Variants in USP42 observed in about 807,000 individuals in gnomAD.
The protein encoded by USP42 is ubiquitin specific peptidase 42, also known as ubiquitin carboxyl-terminal hydrolase 42.
Under a neutral mutation model 113.0 loss-of-function variants are expected in USP42, and 23 were observed. The observed-to-expected ratio is 0.20, with a 90% CI of 0.15 to 0.29. The LOEUF (loss-of-function observed/expected upper bound fraction) is 0.29, where lower values mean the gene tolerates loss of function less well. Ranked by LOEUF, USP42 falls within the 10% of genes least tolerant of loss-of-function variation. USP42 has a pLI of 1.00. For synonymous variants in USP42, 933 were observed against 699.0 expected (o/e 1.33, Z -5.28); for missense variants, 2,174 against 1,779.8 (o/e 1.22, Z -3.99).
At position 6,112,934 on chromosome 7, in the gene USP42, C is replaced by T. The variant is rs568241595; in HGVS notation, c.241+1560C>T. ...TTTTTTTTTTTTTGAGACAGAGTCT[C>T]GCTCTGTCGCCCATTCTGGAATGCA... On this transcript the variant is annotated intron_variant, in intron 2 of 17. Coordinates refer to ENST00000306177, the MANE Select transcript of USP42 (RefSeq NM_032172.3). Among the ~76,000 whole-genome samples the T allele has an allele frequency of 2.3e-4, 31 of 135,106 alleles. No individual in the cohort carries two copies. The East Asian group carries it at 2.7e-3, about 12-fold the overall frequency. The allele number at this position is 135,106 out of a possible 152,430, so 88.6% of individuals were successfully genotyped here. A position where few individuals can be genotyped will look rare whatever the true frequency, so the allele number is the denominator to read the frequency against.
At chr7:6,085,836 A>T in the USP42 span, among the ~76,000 whole-genome samples, 2 of 150,184 alleles carry the variant, frequency 1.3e-5, no homozygotes, top group African/African-American at 2.5e-5. Context: ...GCTGGTTTTG[A>T]ACTCCTGACC....
chr7:6,157,051 C>G lies in USP42; in HGVS notation c.3939C>G (p.Gly1313=), dbSNP rs757604634. Residue 1313 remains glycine, a synonymous_variant, in exon 16 of 18, where the codon GGC becomes GGG. Coordinates refer to ENST00000306177, the MANE Select transcript of USP42 (RefSeq NM_032172.3). This position sits in a 1 kb window ranked among gnomAD's most constrained non-coding sequence, Gnocchi z 4.1. ...RDDRCRLFEY[G]QGD Reference sequence around the variant, plus strand: ...ACAGGTGTCGTCTCTTTGAGTATGGCCAGGGTAAGAGGAGATACTTGGAAT... The same window carrying G: ...ACAGGTGTCGTCTCTTTGAGTATGGGCAGGGTAAGAGGAGATACTTGGAAT... 1 of 1,598,006 alleles carries G rather than the reference C, an allele frequency of 6.3e-7. No individual in the cohort carries two copies. Among genetic ancestry groups the G allele is most frequent in the Admixed American group, 1.8e-5 (1 of 55,740 alleles).
In USP42 at chr7:6,159,354, G is replaced by A; in HGVS notation, c.3944-96G>A. 1 of 1,557,020 alleles carries A rather than the reference G, an allele frequency of 6.4e-7. No homozygotes were observed. The highest frequency in any genetic ancestry group is 8.8e-7 in the Non-Finnish European group (1 of 1,135,008). On this transcript the variant is annotated intron_variant, in intron 16 of 17. Coordinates refer to ENST00000306177, the MANE Select transcript of USP42 (RefSeq NM_032172.3). This position sits in a 1 kb window ranked among gnomAD's most constrained non-coding sequence, Gnocchi z 4.1. ...TCAGGCGCTCACAGGGAACCGCAGTGACTCTGACCATAGCCACTTAACGCA... is the reference window on the plus strand; with the variant it reads ...TCAGGCGCTCACAGGGAACCGCAGTAACTCTGACCATAGCCACTTAACGCA...
intron 1 of USP42, among the ~76,000 whole-genome samples, chr7:6,106,229 T>G (rs1779268057): frequency 6.6e-6 from 1 of 152,186 alleles, no homozygotes; most frequent in Admixed American, 6.5e-5. Flanking sequence ...TTAAGTATAA[T>G]TAAGACGAAG....
rs1407087129 is a variant in USP42 at position 6,114,662 on chromosome 7, A to G, written c.242-661A>G. On this transcript the variant is annotated intron_variant, in intron 2 of 17. Coordinates refer to ENST00000306177, the MANE Select transcript of USP42 (RefSeq NM_032172.3). Reference sequence around the variant, plus strand: ...TATATATGTATGTGTGTGTGTATATATATATATATATATATATTTTTTTTT... The same window carrying G: ...TATATATGTATGTGTGTGTGTATATGTATATATATATATATATTTTTTTTT... 1.2e-4 allele frequency among the ~76,000 whole-genome samples: 5 copies of G among 42,728 alleles called. 1 individual carries two copies. The highest frequency in any genetic ancestry group is 3.1e-4 in the Admixed American group (1 of 3,180). The allele number at this position is 42,728 out of a possible 152,430, so 28.0% of individuals were successfully genotyped here. A position where few individuals can be genotyped will look rare whatever the true frequency, so the allele number is the denominator to read the frequency against.
chr7:6,141,201 C>CTTT (rs903124477), intron 7 of USP42, among the ~76,000 whole-genome samples: 8 of 123,996 alleles, frequency 6.5e-5, no homozygotes, highest in Non-Finnish European at 1.2e-4. Context: ...TTTTTCTTTT[C>CTTT]TTTTTTTTTT....
At chr7:6,122,775 T>A (rs893503116) in intron 3 of USP42, among the ~76,000 whole-genome samples, 2 of 151,512 alleles carry the variant, frequency 1.3e-5, no homozygotes, top group Non-Finnish European at 2.9e-5. Flanking sequence ...CAGCCTAATT[T>A]TTTTTTTAAA....
intron 3 of USP42, among the ~76,000 whole-genome samples, chr7:6,120,514 A>T (rs181907834): frequency 3.3e-5 from 5 of 152,118 alleles, no homozygotes; most frequent in African/African-American, 9.6e-5. Flanking sequence ...AAGTGCTGGG[A>T]TTACAGGCAT....
intron 11 of USP42, among the ~76,000 whole-genome samples, chr7:6,146,694 T>C (rs1267089835): frequency 2.0e-5 from 3 of 152,106 alleles, no homozygotes; most frequent in African/African-American, 7.2e-5. Context: ...AACTCTGCCA[T>C]GTGCCTGGAG....
intron 17 of USP42, 135 bp from the exon 18 acceptor site, chr7:6,160,420 G>C (rs1782706428): frequency 1.2e-5 from 1 of 80,246 alleles, no homozygotes. Context: ...ACTCAGGAAG[G>C]CAGAGAAGGC....
Position 6,154,206 on chromosome 7 carries a change from G to A in USP42, c.2652G>A (p.Gln884=). ...GCGGGGACCACGCCCGGGACGCTCAGGACCCATCCCAGAGCTTGGGCGCAC... is the reference window on the plus strand; with the variant it reads ...GCGGGGACCACGCCCGGGACGCTCAAGACCCATCCCAGAGCTTGGGCGCAC... ...HPSGDHARDA[Q]DPSQSLGAPE... is the part of the protein sequence containing the mutation. The change falls in exon 15 of 18, where the codon CAG becomes CAA. Residue 884 remains glutamine, a synonymous_variant. Coordinates refer to ENST00000306177, the MANE Select transcript of USP42 (RefSeq NM_032172.3). The A allele has an allele frequency of 6.2e-7, 1 of 1,606,350 alleles. No individual in the cohort carries two copies. The highest frequency in any genetic ancestry group is 8.5e-7 in the Non-Finnish European group (1 of 1,178,932).
upstream of USP42, chr7:6,104,810 C>G (rs1779164046): frequency 6.6e-6 from 1 of 151,302 alleles, no homozygotes; most frequent in Non-Finnish European, 1.5e-5. Flanking sequence ...AGCTGCGCGC[C>G]GCGCTTCTTG....
In USP42 at chr7:6,150,106, C is replaced by G; in HGVS notation, c.1910C>G (p.Pro637Arg). 6.2e-7 allele frequency: 1 copy of G among 1,611,778 alleles called. No individual in the cohort carries two copies. The highest frequency in any genetic ancestry group is 8.5e-7 in the Non-Finnish European group (1 of 1,178,922). The change falls in exon 13 of 18, where the codon CCC becomes CGC. Residue 637 changes from proline to arginine, a missense_variant. Transcript: ENST00000306177. ...GGTACGATTGTGAGCTCCCACTCTC[C>G]CGGCCAAGATGCCGAAGATGAGGAG... ...GIGTIVSSHS[P>R]GQDAEDEEAT... is the part of the protein sequence containing the mutation.
intron 3 of USP42, among the ~76,000 whole-genome samples, 190 bp from the exon 4 acceptor site, chr7:6,135,651 C>CAAAAAAAAAAAAAAAAAA (rs1173165919): frequency 3.1e-4 from 5 of 16,138 alleles, no homozygotes; most frequent in East Asian, 1.1e-3. Flanking sequence ...GACTCCATCT[C>CAAAAAAAAAAAAAAAAAA]AAAAAAAAAA....
At chr7:6,103,752 A>AC (rs1790217024), upstream of USP42, among the ~76,000 whole-genome samples, 1 of 149,290 alleles carries the variant, frequency 6.7e-6, no homozygotes, top group Non-Finnish European at 1.5e-5. Context: ...AAAAAAAAAA[A>AC]AAACAAAACT....
At chr7:6,151,141 C>G (rs1444326200) in intron 14 of USP42, among the ~76,000 whole-genome samples, 3 of 152,184 alleles carry the variant, frequency 2.0e-5, no homozygotes, top group Non-Finnish European at 4.4e-5. Flanking sequence ...CACACCTGCA[C>G]AGGGCACTTA....
chr7:6,093,155 C>T, the USP42 span: 2 of 140,702 alleles, frequency 1.4e-5, no homozygotes, highest in South Asian at 4.9e-4. Flanking sequence ...CTCTCTCCCT[C>T]CCTCCCTTCC....
Position 6,154,177 on chromosome 7 carries a change from C to G in USP42, c.2623C>G (p.Pro875Ala). The G allele has an allele frequency of 3.8e-6, 6 of 1,599,912 alleles. No individual in the cohort carries two copies. Among genetic ancestry groups the G allele is most frequent in the African/African-American group, 2.7e-5 (2 of 74,900 alleles). The change falls in exon 15 of 18, where the codon CCC becomes GCC. Residue 875 changes from proline to alanine, a missense_variant. Physicochemically the swap from Pro to Ala is conservative, Grantham distance 27 (BLOSUM62 -1). Coordinates refer to ENST00000306177, the MANE Select transcript of USP42 (RefSeq NM_032172.3). Reference sequence around the variant, plus strand: ...CTGCGAGCAGCCACTCCTTGTTCACCCCAGCGGGGACCACGCCCGGGACGC... The same window carrying G: ...CTGCGAGCAGCCACTCCTTGTTCACGCCAGCGGGGACCACGCCCGGGACGC... ...EPCEQPLLVH[P>A]SGDHARDAQD...
upstream of USP42, among the ~76,000 whole-genome samples, chr7:6,103,536 A>G (rs578069707): frequency 1.7e-4 from 26 of 149,714 alleles, no homozygotes; most frequent in African/African-American, 6.0e-4. Context: ...AAAGAAAAAG[A>G]AAATCCCTTT....
Sources: allele counts gnomAD v4.1 joint callset (sites outside exome capture counted in the v4.1 genomes callset), GRCh38; gene constraint gnomAD v4.1.1; non-coding constraint Gnocchi (gnomAD v3.1); transcripts MANE v1.5; gene names NCBI Gene and HGNC (gene_info 2026-07-23, HGNC 2026-07-21).